The following CLCN5 variants were observed in gnomAD, a reference collection of about 807,000 sequenced individuals.
CLCN5 encodes the protein H(+)/Cl(-) exchange transporter 5.
Under a neutral mutation model 54.0 loss-of-function variants are expected in CLCN5, and 17 were observed. The observed-to-expected ratio is 0.31, with a 90% CI of 0.22 to 0.47. The LOEUF (loss-of-function observed/expected upper bound fraction) is 0.47, where lower values mean the gene tolerates loss of function less well. Ranked by LOEUF, CLCN5 falls within the 20% of genes least tolerant of loss-of-function variation. The probability of loss-of-function intolerance (pLI) is 1.00; values close to 1 mark genes in which losing one functional copy is unlikely to be tolerated. For synonymous variants in CLCN5, 222 were observed against 233.0 expected (o/e 0.95, Z 0.43); for missense variants, 448 against 646.7 (o/e 0.69, Z 3.33).
At chrX:49,951,938 C>T (rs1275603540) in intron 3 of CLCN5, among the ~76,000 whole-genome samples, 1 of 112,202 alleles carries the variant, frequency 8.9e-6, no homozygotes, top group African/African-American at 3.2e-5. Flanking sequence ...TCATAGAATA[C>T]ACTGCTTATC....
At chrX:49,971,856 T>C (rs1928230481) in intron 3 of CLCN5, among the ~76,000 whole-genome samples, 1 of 112,213 alleles carries the variant, frequency 8.9e-6, no homozygotes, top group Admixed American at 9.5e-5. Flanking sequence ...TTTAAATGAT[T>C]GCTTTAACAA....
In CLCN5 at chrX:49,934,210, GT is replaced by G. The variant is rs781945498; in HGVS notation, c.16+8904del. Among the ~76,000 whole-genome samples the G allele has an allele frequency of 8.1e-5, 9 of 111,337 alleles. No individual in the cohort carries two copies. In the Admixed American group the frequency reaches 8.6e-4, roughly 11 times the overall value. ...CTTTACTGCTACCGTGAAACGTTTA[GT>G]TTTTTTTCTCCCCTCAAAAATAGGT... is the stretch of plus-strand genomic sequence containing the variant. On this transcript the variant is annotated intron_variant, in intron 3 of 14. Transcript: ENST00000376091.
At chrX:50,055,828 A>G (rs1228646181) in intron 4 of CLCN5, among the ~76,000 whole-genome samples, 1 of 111,101 alleles carries the variant, frequency 9.0e-6, no homozygotes, top group African/African-American at 3.3e-5. Flanking sequence ...TATTCTGCTT[A>G]TTTTGTGACT....
Position 49,992,207 on chromosome X carries a change from T to TA in CLCN5, c.17-50109_17-50108insA, listed in dbSNP as rs1557179068. 3.1e-3 allele frequency among the ~76,000 whole-genome samples: 332 copies of TA among 107,301 alleles called. 1 individual carries two copies. Among genetic ancestry groups the TA allele is most frequent in the African/African-American group, 0.011 (316 of 29,124 alleles). The allele number at this position is 107,301 out of a possible 115,157, so 93.2% of individuals were successfully genotyped here. On this transcript the variant is annotated intron_variant, in intron 3 of 14. Transcript: ENST00000376091. ...CTTGGGGTCTCTCCCTCTCTTTTTTTCTTTTTTTTTTTTTTTTGCCTTCCA... is the reference window on the plus strand; with the variant it reads ...CTTGGGGTCTCTCCCTCTCTTTTTTTACTTTTTTTTTTTTTTTTGCCTTCCA...
At chrX:49,969,666 C>G (rs782506598) in intron 3 of CLCN5, among the ~76,000 whole-genome samples, 6 of 111,814 alleles carry the variant, frequency 5.4e-5, no homozygotes, top group Non-Finnish European at 1.1e-4. Flanking sequence ...TTCGTTCAGA[C>G]TTGTTTTATG....
intron 5 of CLCN5, 60 bp downstream of exon 5, chrX:50,070,090 T>C: frequency 2.9e-6 from 3 of 1,044,123 alleles, no homozygotes; most frequent in Non-Finnish European, 4.0e-6. Context: ...AAATTGAAGA[T>C]ACATATTCTT....
At chrX:49,942,982 T>C (rs1322642937) in intron 3 of CLCN5, among the ~76,000 whole-genome samples, 5 of 104,721 alleles carry the variant, frequency 4.8e-5, no homozygotes, top group Non-Finnish European at 9.8e-5. Flanking sequence ...ATCGCCACAC[T>C]GACTTCCACA....
chrX:49,995,712 C>T (rs1929486768), intron 3 of CLCN5, among the ~76,000 whole-genome samples: 1 of 112,106 alleles, frequency 8.9e-6, no homozygotes. Flanking sequence ...TCTATTTTTA[C>T]AGGGGACTTG....
intron 4 of CLCN5, among the ~76,000 whole-genome samples, chrX:50,053,090 G>C (rs1302236761): frequency 9.0e-6 from 1 of 111,620 alleles, no homozygotes; most frequent in African/African-American, 3.3e-5. Context: ...AGTGTGTTTT[G>C]TGGCCCAGGA....
At chrX:50,060,342 T>G (rs1156844704) in intron 4 of CLCN5, among the ~76,000 whole-genome samples, 1 of 110,328 alleles carries the variant, frequency 9.1e-6, no homozygotes, top group Admixed American at 9.6e-5. Context: ...TTGCCTCACC[T>G]GGGAAGCGCA....
chrX:50,057,440 A>G (rs1416221999), intron 4 of CLCN5, among the ~76,000 whole-genome samples: 7 of 45,155 alleles, frequency 1.6e-4, no homozygotes, highest in African/African-American at 6.5e-4. Context: ...CTGGATAGAT[A>G]CTATCCAGGA....
At chrX:50,064,107 G>A (rs1468563934) in intron 4 of CLCN5, among the ~76,000 whole-genome samples, 54 of 106,627 alleles carry the variant, frequency 5.1e-4, no homozygotes, top group African/African-American at 1.8e-3. Flanking sequence ...CACAAGACAG[G>A]GATGCCCTCT....
chrX:50,009,276 A>T (rs782326902), intron 3 of CLCN5, among the ~76,000 whole-genome samples: 2 of 112,176 alleles, frequency 1.8e-5, no homozygotes, highest in South Asian at 7.5e-4. Context: ...TATGTGTCAG[A>T]TACTGTAATG....
chrX:49,944,874 A>G (rs1557171671), intron 3 of CLCN5, among the ~76,000 whole-genome samples: 1 of 111,338 alleles, frequency 9.0e-6, no homozygotes, highest in Admixed American at 9.6e-5. Context: ...ACCCACTTTT[A>G]TATCATATTG....
At chrX:49,974,799 G>C (rs1928400214) in intron 3 of CLCN5, among the ~76,000 whole-genome samples, 1 of 112,130 alleles carries the variant, frequency 8.9e-6, no homozygotes. Flanking sequence ...TGATGAGCCT[G>C]TAGGAGTGGG....
chrX:50,073,748 T>C (rs1933308459), intron 6 of CLCN5, among the ~76,000 whole-genome samples: 1 of 111,703 alleles, frequency 9.0e-6, no homozygotes, highest in African/African-American at 3.3e-5. Flanking sequence ...ATAGTAAATA[T>C]TTTAGGATTT....
rs781898970 is a variant in CLCN5 at position 50,033,937 on chromosome X, A to G, written c.17-8379A>G. 7.8e-4 allele frequency among the ~76,000 whole-genome samples: 86 copies of G among 110,816 alleles called. 1 individual carries two copies. Among genetic ancestry groups the G allele is most frequent in the Non-Finnish European group, 1.3e-3 (67 of 52,926 alleles). Reference sequence around the variant, plus strand: ...TCCTCACCTTTTTCTCATAACCCCTACTCGTCTGTAGGAATAACTCCCAGA... The same window carrying G: ...TCCTCACCTTTTTCTCATAACCCCTGCTCGTCTGTAGGAATAACTCCCAGA... On this transcript the variant is annotated intron_variant, in intron 3 of 14. Coordinates refer to ENST00000376091, the MANE Select transcript of CLCN5 (RefSeq NM_001127898.4).
At chrX:50,029,813 G>A (rs1017316699) in intron 3 of CLCN5, among the ~76,000 whole-genome samples, 3 of 111,975 alleles carry the variant, frequency 2.7e-5, no homozygotes, top group Non-Finnish European at 5.6e-5. Context: ...CAACCGTTGT[G>A]GAAGTTGGTG....
intron 4 of CLCN5, among the ~76,000 whole-genome samples, chrX:50,058,629 A>G (rs2147510510): frequency 9.0e-6 from 1 of 111,333 alleles, no homozygotes; most frequent in African/African-American, 3.3e-5. Context: ...AAGCTGTTTC[A>G]ATGTTGACTT....
Sources: gnomAD v4.1 joint callset for allele counts (sites outside exome capture counted in the v4.1 genomes callset) on GRCh38, gnomAD v4.1.1 for gene constraint, MANE v1.5 for transcripts, NCBI Gene and HGNC (gene_info 2026-07-23, HGNC 2026-07-21) for gene names.